Variants in SLC6A9 observed in about 807,000 individuals in gnomAD.
SLC6A9 encodes sodium- and chloride-dependent glycine transporter 1.
Under a neutral mutation model 70.9 loss-of-function variants are expected in SLC6A9, and 31 were observed. That is an observed-to-expected ratio of 0.44 (90% CI 0.33 to 0.59). The LOEUF (loss-of-function observed/expected upper bound fraction) is 0.59. SLC6A9 is among the 20% of genes least tolerant of loss of function. The pLI is 0.04. For synonymous variants in SLC6A9, 310 were observed against 341.3 expected (o/e 0.91, Z 1.01); for missense variants, 631 against 845.2 (o/e 0.75, Z 3.14).
chr1:43,998,446 T>TG (rs1184057864), intron 12 of SLC6A9, among the ~76,000 whole-genome samples: 1 of 152,210 alleles, frequency 6.6e-6, no homozygotes, highest in Non-Finnish European at 1.5e-5. Flanking sequence ...TCACACCCAG[T>TG]GTTTCCCACC....
rs140645735 is a variant in SLC6A9, at chr1:44,029,255, G to T, written c.-86+2051C>A. Among the ~76,000 whole-genome samples the T allele has an allele frequency of 4.8e-3, 729 of 152,370 alleles. 3 individuals are homozygous for T. Among genetic ancestry groups the T allele is most frequent in the Non-Finnish European group, 7.6e-3 (519 of 68,036 alleles). On this transcript the variant is annotated intron_variant, in intron 1 of 13. Transcript: ENST00000372310. ...CCTCACGGGGGATGGAAAGGTGACA[G>T]GCTCTTTTCCTAGCTTGAAGGACCG...
chr1:43,996,899 C>T lies in SLC6A9; in HGVS notation c.*646G>A, dbSNP rs1397462207. The T allele has an allele frequency of 6.5e-6, 1 of 152,928 alleles. No individual in the cohort carries two copies. Among genetic ancestry groups the T allele is most frequent in the African/African-American group, 2.4e-5 (1 of 41,420 alleles). The allele number at this position is 152,928 out of a possible 1,614,324, so 9.5% of individuals were successfully genotyped here. A position where few individuals can be genotyped will look rare whatever the true frequency, so the allele number is the denominator to read the frequency against. ...CTGCTGGGTCACGGGCCCCTGCTGG[C>T]TGGGCCTGACAGCCAGGCCTGGAAT... On this transcript the variant is annotated 3_prime_UTR_variant, in exon 14 of 14. Coordinates refer to ENST00000372310, the MANE Select transcript of SLC6A9 (RefSeq NM_001024845.3).
intron 2 of SLC6A9, among the ~76,000 whole-genome samples, chr1:44,011,885 G>A (rs1257431482): frequency 1.3e-5 from 2 of 152,152 alleles, no homozygotes; most frequent in African/African-American, 4.8e-5. Flanking sequence ...CAAGTCCCTT[G>A]GTTAAAGAAG....
At chr1:44,024,189 G>A (rs773975984) in intron 2 of SLC6A9, 59 bp downstream of exon 2, 33 of 1,556,026 alleles carry the variant, frequency 2.1e-5, no homozygotes, top group Non-Finnish European at 2.8e-5. Context: ...CTGGCAGGAG[G>A]TCCTGGGGGC....
intron 5 of SLC6A9, 85 bp from the exon 6 acceptor site, chr1:44,003,070 AC>A (rs2086181129): frequency 6.6e-7 from 1 of 1,512,262 alleles, no homozygotes; most frequent in African/African-American, 1.4e-5. Context: ...CCCGGGCTGT[AC>A]CCTCCTTTGT....
At chr1:44,007,667 C>T (rs1053921109) in intron 5 of SLC6A9, among the ~76,000 whole-genome samples, 3 of 152,214 alleles carry the variant, frequency 2.0e-5, no homozygotes, top group Non-Finnish European at 4.4e-5. Flanking sequence ...CATGCATTCT[C>T]CCCACACCTG....
In SLC6A9 at chr1:44,002,627, G is replaced by A. The variant is rs753586932; in HGVS notation, c.743C>T (p.Thr248Met). Residue 248 changes from threonine to methionine, a missense_variant, in exon 7 of 14, where the codon ACG becomes ATG. Thr to Met is a moderately conservative substitution (Grantham distance 81). Transcript: ENST00000372310. The surrounding 1 kb of genome is among the most constrained non-coding windows in gnomAD (Gnocchi z 5.5). Reference sequence around the variant, plus strand: ...AATGGTCAGCACCACGTAGGGGAACGTGGCCGTGAAGTACACCACCTGGCA... The same window carrying A: ...AATGGTCAGCACCACGTAGGGGAACATGGCCGTGAAGTACACCACCTGGCA... ...SSGKVVYFTA[T>M]FPYVVLTILF... 1.1e-5 allele frequency: 18 copies of A among 1,614,044 alleles called. No individual in the cohort carries two copies. The highest frequency in any genetic ancestry group is 2.2e-5 in the East Asian group (1 of 44,896).
At chr1:44,005,189 TG>T (rs2086264631) in intron 5 of SLC6A9, among the ~76,000 whole-genome samples, 1 of 152,038 alleles carries the variant, frequency 6.6e-6, no homozygotes, top group Admixed American at 6.6e-5. Context: ...ATGAAGACCC[TG>T]GGGGACAGGA....
chr1:44,028,819 G>A (rs1382415921), intron 1 of SLC6A9, among the ~76,000 whole-genome samples: 1 of 151,404 alleles, frequency 6.6e-6, no homozygotes, highest in Non-Finnish European at 1.5e-5. Flanking sequence ...AAGGAAAGAA[G>A]GAAGGAAGGA....
chr1:43,998,975 C>T (rs1000009132), intron 12 of SLC6A9, among the ~76,000 whole-genome samples: 3 of 28,404 alleles, frequency 1.1e-4, no homozygotes, highest in Non-Finnish European at 1.8e-4. Context: ...GAGGGCCTGG[C>T]GGGGGAAGGG....
intron 1 of SLC6A9, among the ~76,000 whole-genome samples, 197 bp downstream of exon 1, chr1:44,031,109 G>C (rs2087108133): frequency 6.6e-6 from 1 of 151,200 alleles, no homozygotes; most frequent in African/African-American, 2.4e-5. Flanking sequence ...CGGCGAGACA[G>C]ACATCCCGGT....
chr1:44,008,746 C>T (rs1571874883), intron 4 of SLC6A9, 123 bp from the exon 5 acceptor site: 7 of 772,080 alleles, frequency 9.1e-6, no homozygotes, highest in Admixed American at 5.6e-5. Flanking sequence ...AGCTCTGTTG[C>T]CCAGGCTCTG....
At chr1:44,021,766 A>G (rs2086888700) in intron 2 of SLC6A9, among the ~76,000 whole-genome samples, 1 of 152,244 alleles carries the variant, frequency 6.6e-6, no homozygotes, top group African/African-American at 2.4e-5. Flanking sequence ...CACAGAAGAC[A>G]CAAATGTGCT....
At chr1:44,027,415 A>G (rs538703607) in intron 1 of SLC6A9, among the ~76,000 whole-genome samples, 2 of 152,252 alleles carry the variant, frequency 1.3e-5, no homozygotes, top group East Asian at 1.9e-4. Flanking sequence ...AGCCCTCCAC[A>G]TGTTCCTCCC....
chr1:44,006,598 A>AAAG (rs1447621510), intron 5 of SLC6A9, among the ~76,000 whole-genome samples: 1 of 151,610 alleles, frequency 6.6e-6, no homozygotes, highest in Non-Finnish European at 1.5e-5. Flanking sequence ...AAAAAAAAAA[A>AAAG]AAAAAAAAAA....
chr1:44,026,233 C>G (rs72683987), intron 1 of SLC6A9, among the ~76,000 whole-genome samples: 2 of 152,162 alleles, frequency 1.3e-5, no homozygotes, highest in Admixed American at 1.3e-4. Context: ...GTAGATCACA[C>G]CTTGTCCTCT....
At chr1:44,017,166 C>A in intron 2 of SLC6A9, 1 of 1,601,982 alleles carries the variant, frequency 6.2e-7, no homozygotes. Flanking sequence ...GCGACACTGA[C>A]GCATCCCCTG....
chr1:44,010,326 C>G (rs144159783), intron 3 of SLC6A9: 192 of 535,244 alleles, frequency 3.6e-4, no homozygotes, highest in African/African-American at 3.4e-3. Flanking sequence ...CCCAGAGCCT[C>G]CATACTTGGG....
rs1395442690 is a variant in SLC6A9, at chr1:44,013,871, T to A, written c.31-2989A>T. ...ACTTCCCTCCTGAGCAGCTAAATCT[T>A]TTTCAATACTGTATGGCTTTTTTTC... On this transcript the variant is annotated intron_variant, in intron 2 of 13. Coordinates refer to ENST00000372310, the MANE Select transcript of SLC6A9 (RefSeq NM_001024845.3). The surrounding 1 kb of genome is among the most constrained non-coding windows in gnomAD (Gnocchi z 5.3). 6.6e-6 allele frequency among the ~76,000 whole-genome samples: 1 copy of A among 152,232 alleles called. No individual in the cohort carries two copies. The highest frequency in any genetic ancestry group is 1.5e-5 in the Non-Finnish European group (1 of 68,040).
Sources: gnomAD v4.1 joint callset for allele counts (sites outside exome capture counted in the v4.1 genomes callset) on GRCh38, gnomAD v4.1.1 for gene constraint, Gnocchi (gnomAD v3.1) non-coding constraint, MANE v1.5 for transcripts, NCBI Gene and HGNC (gene_info 2026-07-23, HGNC 2026-07-21) for gene names.